RNF157: variants seen among roughly 807,000 people sequenced by gnomAD.
RNF157 encodes ring finger protein 157.
A neutral mutation model predicts 88.3 loss-of-function variants in RNF157; 55 were observed. The observed-to-expected ratio is 0.62, with a 90% confidence interval of 0.50 to 0.78. RNF157 has a LOEUF of 0.78. RNF157 is among the 30% of genes least tolerant of loss of function. The pLI is 0.00. For missense variants in RNF157, 788 were observed against 860.8 expected (o/e 0.92, Z 1.06); for synonymous variants, 334 against 341.2 (o/e 0.98, Z 0.23).
intron 2 of RNF157, among the ~76,000 whole-genome samples, chr17:76,194,490 C>T (rs920929167): frequency 7.9e-5 from 12 of 152,154 alleles, no homozygotes; most frequent in Admixed American, 4.6e-4. Flanking sequence ...GAAAGACCCC[C>T]GAAAGCAGGA....
chr17:76,181,877 C>T (rs1045098770), intron 2 of RNF157, among the ~76,000 whole-genome samples: 3 of 140,460 alleles, frequency 2.1e-5, no homozygotes, highest in African/African-American at 8.2e-5. Context: ...CACTGCACTC[C>T]AGCCTGGGTG....
chr17:76,158,405 C>G lies in RNF157; in HGVS notation c.1401G>C (p.Gln467His). The G allele has an allele frequency of 6.2e-7, 1 of 1,611,524 alleles. No homozygotes were observed. Among genetic ancestry groups the G allele is most frequent in the African/African-American group, 1.3e-5 (1 of 74,972 alleles). The change falls in exon 13 of 19, where the codon CAG (glutamine) becomes CAC (histidine). Residue 467 changes from glutamine (Q) to histidine (H), a missense_variant. Coordinates refer to ENST00000269391, the MANE Select transcript of RNF157 (RefSeq NM_052916.3). ...GAATGTCAATTACCTCTCCGAGATG[C>G]TGAACCGACGGTCTCTGAGAGAGCT... Reference protein sequence around the residue: ...ETQLSQRPSVQHLGEECGVTP... With the variant: ...ETQLSQRPSVHHLGEECGVTP...
At chr17:76,218,380 C>T (rs760792890) in intron 1 of RNF157, among the ~76,000 whole-genome samples, 4 of 152,214 alleles carry the variant, frequency 2.6e-5, no homozygotes, top group Non-Finnish European at 5.9e-5. Context: ...GTGGCTCACG[C>T]CTGCAATCCC....
intron 1 of RNF157, chr17:76,225,728 T>G: frequency 6.7e-7 from 1 of 1,497,588 alleles, no homozygotes; most frequent in Non-Finnish European, 8.9e-7. Context: ...ACAAGCACGT[T>G]GACACTCCTG....
chr17:76,202,124 T>TCACACA (rs1416865466), intron 2 of RNF157, among the ~76,000 whole-genome samples: 19 of 139,678 alleles, frequency 1.4e-4, no homozygotes, highest in African/African-American at 5.3e-4. Context: ...TCTCTCTCTC[T>TCACACA]CTCTCACACA....
chr17:76,180,985 G>A (rs988959137), intron 2 of RNF157, among the ~76,000 whole-genome samples: 2 of 152,044 alleles, frequency 1.3e-5, no homozygotes, highest in Non-Finnish European at 2.9e-5. Flanking sequence ...GTAGCCGACT[G>A]AAAAATGAAG....
Position 76,225,857 on chromosome 17 carries a change from T to C in RNF157, c.89-13375A>G. 7 of 1,612,898 alleles carry C rather than the reference T, an allele frequency of 4.3e-6. No homozygotes were observed. In the South Asian group the frequency reaches 6.6e-5, roughly 15 times the overall value. On this transcript the variant is annotated intron_variant, in intron 1 of 18. Transcript: ENST00000269391. ...ATCTGCCCTCTCTTTTAGAGCCTCG[T>C]TCTTCTTTTCCAGCTCTTTGCACTC...
At chr17:76,238,923 A>G (rs1417117071) in intron 1 of RNF157, among the ~76,000 whole-genome samples, 1 of 152,234 alleles carries the variant, frequency 6.6e-6, no homozygotes, top group East Asian at 1.9e-4. Flanking sequence ...ATTCTTTGGT[A>G]CAAAAGCAGT....
chr17:76,230,716 C>T (rs12150140), intron 1 of RNF157, among the ~76,000 whole-genome samples: 81,926 of 150,904 alleles, frequency 0.54, 23,747 homozygotes, highest in African/African-American at 0.76. Flanking sequence ...CAGGCACCTG[C>T]AATCCCAGCT....
At chr17:76,223,524 T>G (rs758207638) in intron 1 of RNF157, among the ~76,000 whole-genome samples, 13 of 152,158 alleles carry the variant, frequency 8.5e-5, no homozygotes, top group Admixed American at 5.2e-4. Flanking sequence ...TGACTCTTCC[T>G]TTTCCTGTAC....
chr17:76,200,244 CA>C (rs1185364000), intron 2 of RNF157, among the ~76,000 whole-genome samples: 12 of 123,630 alleles, frequency 9.7e-5, no homozygotes, highest in East Asian at 2.3e-4. Flanking sequence ...TCCGTCTTGT[CA>C]AAAAAAAAAA....
Position 76,185,533 on chromosome 17 carries a change from G to A in RNF157, c.208-11743C>T, listed in dbSNP as rs934153645. 1.3e-4 allele frequency among the ~76,000 whole-genome samples: 19 copies of A among 149,612 alleles called. No individual in the cohort carries two copies. The South Asian group carries it at 3.1e-3, about 25-fold the overall frequency. On this transcript the variant is annotated intron_variant, in intron 2 of 18. Coordinates refer to ENST00000269391, the MANE Select transcript of RNF157 (RefSeq NM_052916.3). ...CGCCCAGGCTGGAGTGCAGTGGCGC[G>A]ATCTCGGCTCACTGCAAGCTCCGCC...
chr17:76,146,717 G>A lies in RNF157; in HGVS notation c.1922-1364C>T, dbSNP rs1005777715. 1.1e-5 allele frequency: 11 copies of A among 985,338 alleles called. No homozygotes were observed. The highest frequency in any genetic ancestry group is 3.5e-5 in the African/African-American group (2 of 57,258). 61.0% of individuals were successfully genotyped at this position (985,338 alleles called of 1,614,324 possible). The stretch of plus-strand genomic sequence containing the variant: ...CGCTAGGTCCTGGAGCTCCTCCATG[G>A]GACAAAGCTCCTCCTGGGCAGGGGC... On this transcript the variant is annotated intron_variant, in intron 18 of 18. Coordinates refer to ENST00000269391, the MANE Select transcript of RNF157 (RefSeq NM_052916.3). This position sits in a 1 kb window ranked among gnomAD's most constrained non-coding sequence, Gnocchi z 4.2.
At chr17:76,147,082 A>G (rs191611587) in intron 18 of RNF157, 60 of 984,748 alleles carry the variant, frequency 6.1e-5, no homozygotes, top group Non-Finnish European at 6.7e-5. Flanking sequence ...TGGGATCTTT[A>G]CTCCCTGGGG....
At position 76,173,717 on chromosome 17, in the gene RNF157, G is replaced by A; in HGVS notation, c.281C>T (p.Thr94Ile). The change falls in exon 3 of 19, where the codon ACA becomes ATA. Residue 94 changes from threonine (T) to isoleucine (I), a missense_variant. Coordinates refer to ENST00000269391, the MANE Select transcript of RNF157 (RefSeq NM_052916.3). ...LRSLVNIRKD[T>I]LRLVKCAEEV... Reference sequence around the variant, plus strand: ...GGGAACTTACTTGACGAGCCTCAGTGTGTCCTTTCGGATATTGACCAGGCT... The same window carrying A: ...GGGAACTTACTTGACGAGCCTCAGTATGTCCTTTCGGATATTGACCAGGCT... 3.1e-6 allele frequency: 5 copies of A among 1,608,958 alleles called. No homozygotes were observed. The highest frequency in any genetic ancestry group is 3.4e-6 in the Non-Finnish European group (4 of 1,177,146).
rs1386134923 is a variant in RNF157 at position 76,233,141 on chromosome 17, C to T, written c.88+7012G>A. ...TTCACCATGTTAGCCAGGATGGTCTCGATCTCCTGACCTCATGACCCACCT... is the reference window on the plus strand; with the variant it reads ...TTCACCATGTTAGCCAGGATGGTCTTGATCTCCTGACCTCATGACCCACCT... On this transcript the variant is annotated intron_variant, in intron 1 of 18. Transcript: ENST00000269391. Among the ~76,000 whole-genome samples the T allele has an allele frequency of 2.6e-5, 4 of 152,084 alleles. No individual in the cohort carries two copies. The South Asian group carries it at 6.2e-4, about 24-fold the overall frequency.
At chr17:76,166,644 T>C in intron 5 of RNF157, 117 bp from the exon 6 acceptor site, 3 of 839,306 alleles carry the variant, frequency 3.6e-6, no homozygotes, top group Non-Finnish European at 5.7e-6. Flanking sequence ...CTGCTCCTCA[T>C]TCTTTAGCCT....
chr17:76,153,594 CCTT>C (rs2068715398), intron 17 of RNF157: 1 of 152,360 alleles, frequency 6.6e-6, no homozygotes, highest in African/African-American at 2.4e-5. Flanking sequence ...TTCCTGCCCT[CCTT>C]CTTCCTCCTA....
At chr17:76,206,596 T>A (rs572137296) in intron 2 of RNF157, among the ~76,000 whole-genome samples, 2 of 152,294 alleles carry the variant, frequency 1.3e-5, no homozygotes, top group African/African-American at 4.8e-5. Flanking sequence ...GGTCAGGAGT[T>A]CGAGACCAGC....
Sources: gnomAD v4.1 joint callset for allele counts (sites outside exome capture counted in the v4.1 genomes callset) on GRCh38, gnomAD v4.1.1 for gene constraint, Gnocchi (gnomAD v3.1) non-coding constraint, MANE v1.5 for transcripts, NCBI Gene and HGNC (gene_info 2026-07-23, HGNC 2026-07-21) for gene names.